Variants in SERINC3 observed in about 807,000 individuals in gnomAD.
SERINC3 encodes the protein tumor differentially expressed protein 1.
A neutral mutation model predicts 52.1 loss-of-function variants in SERINC3; 22 were observed. The ratio of observed to expected loss-of-function variants is 0.42; its 90% CI spans 0.30 to 0.60. The LOEUF is 0.60. Among genes scored for constraint, SERINC3 ranks in the 20% least tolerant of loss-of-function variants. The pLI, the probability that SERINC3 is intolerant of heterozygous loss-of-function variation, is 0.16. For missense variants in SERINC3, 564 were observed against 584.6 expected (o/e 0.96, Z 0.36); for synonymous variants, 226 against 212.7 (o/e 1.06, Z -0.54).
At chr20:44,518,061 A>G (rs1295857558) in intron 1 of SERINC3, among the ~76,000 whole-genome samples, 1 of 152,102 alleles carries the variant, frequency 6.6e-6, no homozygotes, top group African/African-American at 2.4e-5. Context: ...GAATCTGACC[A>G]TTTTCACAGT....
intron 5 of SERINC3, 51 bp from the exon 6 acceptor site, chr20:44,507,047 A>C: frequency 7.4e-7 from 1 of 1,347,700 alleles, no homozygotes; most frequent in East Asian, 2.6e-5. Flanking sequence ...TAAACTAATA[A>C]TGAAGGCCAA....
chr20:44,515,076 G>T (rs1049238771), intron 1 of SERINC3, among the ~76,000 whole-genome samples: 1 of 152,190 alleles, frequency 6.6e-6, no homozygotes, highest in Admixed American at 6.5e-5. Flanking sequence ...ATATCTGGCT[G>T]GGTGCGGCAG....
rs189276895 is a variant in SERINC3 at position 44,504,585 on chromosome 20, C to G, written c.874+216G>C. 5.0e-4 allele frequency among the ~76,000 whole-genome samples: 76 copies of G among 152,326 alleles called. 1 individual carries two copies. The highest frequency in any genetic ancestry group is 2.7e-3 in the Admixed American group (42 of 15,304). ...TAAAGCCTAGACCATCTAAAGGACTCTGACCCTTTAGACTGTCAGTTATAA... is the reference window on the plus strand; with the variant it reads ...TAAAGCCTAGACCATCTAAAGGACTGTGACCCTTTAGACTGTCAGTTATAA... On this transcript the variant is annotated intron_variant, in intron 7 of 9. Transcript: ENST00000342374.
intron 2 of SERINC3, 104 bp from the exon 3 acceptor site, chr20:44,513,098 C>A: frequency 1.6e-6 from 1 of 628,224 alleles, no homozygotes; most frequent in Non-Finnish European, 2.6e-6. Context: ...ACTTCAACAA[C>A]TGCAAGACTG....
In SERINC3 at chr20:44,514,022, C is replaced by T. The variant is rs776170874; in HGVS notation, c.58G>A (p.Gly20Ser). ...LASWVPCLCS[G>S]ASCLLCSCCP... Reference sequence around the variant, plus strand: ...CAACTACACAGCAAACATGAGGCACCGCTGCAGAGGCATGGAACCTGGAAT... The same window carrying T: ...CAACTACACAGCAAACATGAGGCACTGCTGCAGAGGCATGGAACCTGGAAT... The change falls in exon 2 of 10, where the codon GGT becomes AGT. Residue 20 changes from glycine to serine, a missense_variant. By Grantham distance (56) the Gly-to-Ser change is moderately conservative (BLOSUM62 0). Coordinates refer to ENST00000342374, the MANE Select transcript of SERINC3 (RefSeq NM_006811.4). 15 of 1,613,916 alleles carry T rather than the reference C, an allele frequency of 9.3e-6. No homozygotes were observed. The highest frequency in any genetic ancestry group is 1.3e-5 in the African/African-American group (1 of 75,014).
chr20:44,512,745 G>A lies in SERINC3; in HGVS notation c.395+56C>T, dbSNP rs2064356099. ...CATCAGAATGGCTATATTAACTGCTGAAGGGAAGGAAGAGCCACACCATAA... is the reference window on the plus strand; with the variant it reads ...CATCAGAATGGCTATATTAACTGCTAAAGGGAAGGAAGAGCCACACCATAA... On this transcript the variant is annotated intron_variant, in intron 3 of 9. Coordinates refer to ENST00000342374, the MANE Select transcript of SERINC3 (RefSeq NM_006811.4). 5 of 1,389,712 alleles carry A rather than the reference G, an allele frequency of 3.6e-6. No homozygotes were observed. In the South Asian group the frequency reaches 5.7e-5, roughly 16 times the overall value. The allele number at this position is 1,389,712 out of a possible 1,614,324, so 86.1% of individuals were successfully genotyped here.
intron 5 of SERINC3, among the ~76,000 whole-genome samples, chr20:44,507,977 G>A (rs951771915): frequency 1.3e-5 from 2 of 152,200 alleles, no homozygotes; most frequent in African/African-American, 4.8e-5. Context: ...CAGCTAACTT[G>A]TATTCAAGTC....
At chr20:44,515,209 C>A (rs1383401444) in intron 1 of SERINC3, among the ~76,000 whole-genome samples, 1 of 152,102 alleles carries the variant, frequency 6.6e-6, no homozygotes, top group Non-Finnish European at 1.5e-5. Context: ...CAAAAATTAT[C>A]CGGGCGTGGT....
At chr20:44,497,317 G>C (rs1470850349), downstream of SERINC3, 1 of 152,158 alleles carries the variant, frequency 6.6e-6, no homozygotes, top group African/African-American at 2.4e-5. Context: ...GTCTTGATTA[G>C]ACTACTGGTT....
chr20:44,516,732 T>C (rs1039315715), intron 1 of SERINC3, among the ~76,000 whole-genome samples: 1 of 152,198 alleles, frequency 6.6e-6, no homozygotes, highest in African/African-American at 2.4e-5. Context: ...CGTCACTCTG[T>C]TGCCCAAGCT....
At chr20:44,503,704 A>C (rs1044028514) in intron 8 of SERINC3, 111 bp downstream of exon 8, 4 of 822,892 alleles carry the variant, frequency 4.9e-6, no homozygotes, top group Non-Finnish European at 7.5e-6. Flanking sequence ...ACTTTTCATT[A>C]AAGAGAGTGA....
downstream of SERINC3, among the ~76,000 whole-genome samples, chr20:44,496,995 G>GTCCA (rs1423705503): frequency 6.6e-6 from 1 of 152,174 alleles, no homozygotes; most frequent in Admixed American, 6.5e-5. Context: ...AAATAAAGGA[G>GTCCA]TCCAGCATGG....
At chr20:44,514,096 C>A in intron 1 of SERINC3, 56 bp from the exon 2 acceptor site, 1 of 1,532,224 alleles carries the variant, frequency 6.5e-7, no homozygotes. Context: ...TCCTTTATGA[C>A]ACAGATGTCG....
At position 44,497,461 on chromosome 20, in the gene SERINC3, C is replaced by T. The variant is rs116302270; in HGVS notation, c.*2835G>A. On this transcript the variant is annotated 3_prime_UTR_variant, in exon 10 of 10. Coordinates refer to ENST00000342374, the MANE Select transcript of SERINC3 (RefSeq NM_006811.4). ...TATCATCATGAGAAAAAAATAAAAA[C>T]TTTATTGGACTTTGTTACATTTATT... The T allele has an allele frequency of 2.2e-3, 336 of 152,258 alleles. 1 individual carries two copies. The highest frequency in any genetic ancestry group is 7.6e-3 in the African/African-American group (317 of 41,546). 9.4% of individuals were successfully genotyped at this position (152,258 alleles called of 1,614,324 possible). A position where few individuals can be genotyped will look rare whatever the true frequency, so the allele number is the denominator to read the frequency against.
intron 3 of SERINC3, among the ~76,000 whole-genome samples, chr20:44,512,054 T>G (rs1259224929): frequency 6.6e-6 from 1 of 152,208 alleles, no homozygotes; most frequent in Non-Finnish European, 1.5e-5. Context: ...GGCTCACGCC[T>G]GTAAGCCCAG....
In SERINC3 at chr20:44,499,858, T is replaced by C; in HGVS notation, c.*438A>G. The C allele has an allele frequency of 6.5e-6, 1 of 153,524 alleles. No homozygotes were observed. The highest frequency in any genetic ancestry group is 1.5e-5 in the Non-Finnish European group (1 of 68,756). 9.5% of individuals were successfully genotyped at this position (153,524 alleles called of 1,614,324 possible). A position where few individuals can be genotyped will look rare whatever the true frequency, so the allele number is the denominator to read the frequency against. On this transcript the variant is annotated 3_prime_UTR_variant, in exon 10 of 10. Transcript: ENST00000342374. ...CACAAAACACAGTGCTTGTATCATA[T>C]AAGTAAGGACTTTCATAGAGGAAAA...
chr20:44,497,045 G>A (rs1161557594), downstream of SERINC3, among the ~76,000 whole-genome samples: 2 of 152,162 alleles, frequency 1.3e-5, no homozygotes, highest in African/African-American at 4.8e-5. Flanking sequence ...GGTAAAAGTG[G>A]CAGCCACTGC....
intron 1 of SERINC3, among the ~76,000 whole-genome samples, chr20:44,521,468 A>G (rs1273407973): frequency 6.6e-6 from 1 of 152,238 alleles, no homozygotes; most frequent in Non-Finnish European, 1.5e-5. Context: ...AGCCTCCGCT[A>G]AAACCCCAGC....
chr20:44,511,300 T>C lies in SERINC3; in HGVS notation c.464A>G (p.Tyr155Cys), dbSNP rs751870749. Residue 155 changes from tyrosine to cysteine, a missense_variant, in exon 4 of 10, where the codon TAT (tyrosine) becomes TGT (cysteine). Physicochemically the swap from Tyr to Cys is radical, Grantham distance 194. Coordinates refer to ENST00000342374, the MANE Select transcript of SERINC3 (RefSeq NM_006811.4). ...ATGGTGAACCCTACCTGAGCTGAAA[T>C]AGCCCCCAGGGATGTAGAAAGAGCC... is the stretch of plus-strand genomic sequence containing the variant. ...MVGSFYIPGGYFSSVWFVVGM... is the reference protein window; with the variant it reads ...MVGSFYIPGGCFSSVWFVVGM... 16 of 1,609,598 alleles carry C rather than the reference T, an allele frequency of 9.9e-6. No homozygotes were observed. The highest frequency in any genetic ancestry group is 1.7e-5 in the Admixed American group (1 of 59,970).
Sources: gnomAD v4.1 joint callset for allele counts (sites outside exome capture counted in the v4.1 genomes callset) on GRCh38, gnomAD v4.1.1 for gene constraint, MANE v1.5 for transcripts, NCBI Gene and HGNC (gene_info 2026-07-23, HGNC 2026-07-21) for gene names.